Variants in LMX1A observed in about 807,000 individuals in gnomAD.
The protein encoded by LMX1A is LIM homeobox transcription factor 1-alpha.
LMX1A carries 15 observed loss-of-function variants against 49.1 expected under a neutral mutation model. The ratio of observed to expected loss-of-function variants is 0.31; its 90% CI spans 0.20 to 0.47. LMX1A has a LOEUF of 0.47. Ranked by LOEUF, LMX1A falls within the 20% of genes least tolerant of loss-of-function variation. LMX1A has a pLI of 1.00. For missense variants in LMX1A, 372 were observed against 475.8 expected (o/e 0.78, Z 2.03); for synonymous variants, 167 against 185.7 (o/e 0.90, Z 0.82).
intron 3 of LMX1A, among the ~76,000 whole-genome samples, chr1:165,272,270 G>T (rs1453029050): frequency 1.3e-5 from 2 of 152,098 alleles, no homozygotes; most frequent in South Asian, 4.2e-4. Flanking sequence ...CATACTTTAC[G>T]AACACAAAAA....
Position 165,347,236 on chromosome 1 carries a change from C to T in LMX1A, c.263+5840G>A, listed in dbSNP as rs562915538. On this transcript the variant is annotated intron_variant, in intron 3 of 8. Coordinates refer to ENST00000342310, the MANE Select transcript of LMX1A (RefSeq NM_177398.4). ...TTCTCTCTCCTCTCTGATATTTGCTCCAGAACCTTTTCTACACTTTGCTCT... is the reference window on the plus strand; with the variant it reads ...TTCTCTCTCCTCTCTGATATTTGCTTCAGAACCTTTTCTACACTTTGCTCT... 5.3e-4 allele frequency among the ~76,000 whole-genome samples: 80 copies of T among 152,316 alleles called. 1 individual carries two copies. The South Asian group carries it at 0.016, about 31-fold the overall frequency.
At chr1:165,208,210 G>T in intron 6 of LMX1A, 78 bp from the exon 7 acceptor site, 1 of 1,326,580 alleles carries the variant, frequency 7.5e-7, no homozygotes, top group Non-Finnish European at 1.1e-6. Flanking sequence ...GCCTGGAAGT[G>T]ACACCTTCCC....
Position 165,353,011 on chromosome 1 carries a change from G to A in LMX1A, c.263+65C>T. ...CCAGAAAAGGACTAGGGTAAAGGAG[G>A]ACAAAGTCCTCGACGCACACTGATG... is the stretch of plus-strand genomic sequence containing the variant. On this transcript the variant is annotated intron_variant, in intron 3 of 8. Coordinates refer to ENST00000342310, the MANE Select transcript of LMX1A (RefSeq NM_177398.4). The A allele has an allele frequency of 1.3e-6, 2 of 1,535,456 alleles. 1 individual carries two copies. Among genetic ancestry groups the A allele is most frequent in the South Asian group, 2.3e-5 (2 of 86,104 alleles).
Position 165,208,147 on chromosome 1 carries a change from A to T in LMX1A, c.748-15T>A. On this transcript the variant is annotated splice_polypyrimidine_tract_variant and intron_variant, in intron 6 of 8. Coordinates refer to ENST00000342310, the MANE Select transcript of LMX1A (RefSeq NM_177398.4). ...AGCTTCTTCATCTGATAAGGAGAGG[A>T]CCATAGGATTAGAAGTCAGGTGGCC... 1 of 1,613,240 alleles carries T rather than the reference A, an allele frequency of 6.2e-7. No homozygotes were observed. Among genetic ancestry groups the T allele is most frequent in the Non-Finnish European group, 8.5e-7 (1 of 1,179,512 alleles).
At chr1:165,220,540 G>T (rs1651804100) in intron 4 of LMX1A, among the ~76,000 whole-genome samples, 1 of 152,190 alleles carries the variant, frequency 6.6e-6, no homozygotes, top group African/African-American at 2.4e-5. Flanking sequence ...GCCTCAAAGA[G>T]GTGCAGAAAC....
chr1:165,307,505 A>C (rs1159659210), intron 3 of LMX1A, among the ~76,000 whole-genome samples: 1 of 152,250 alleles, frequency 6.6e-6, no homozygotes, highest in Non-Finnish European at 1.5e-5. Flanking sequence ...CCTATGCCAC[A>C]GGCAGAATGA....
chr1:165,208,360 G>T (rs142166300), intron 6 of LMX1A, among the ~76,000 whole-genome samples: 2,201 of 152,312 alleles, frequency 0.014, 23 homozygotes, highest in Middle Eastern at 0.048. Flanking sequence ...GGAAGCAGGG[G>T]TGCAGCTTGT....
At chr1:165,222,846 A>C (rs537973049) in intron 4 of LMX1A, among the ~76,000 whole-genome samples, 1 of 152,324 alleles carries the variant, frequency 6.6e-6, no homozygotes, top group South Asian at 2.1e-4. Context: ...TCCATAAACC[A>C]CTAACAGGCT....
intron 3 of LMX1A, among the ~76,000 whole-genome samples, chr1:165,296,652 G>C (rs1032721236): frequency 6.6e-6 from 1 of 152,210 alleles, no homozygotes; most frequent in Non-Finnish European, 1.5e-5. Context: ...CCCCACCCAA[G>C]GTTCCTATAT....
At chr1:165,348,125 A>G (rs778805147) in intron 3 of LMX1A, among the ~76,000 whole-genome samples, 27 of 152,244 alleles carry the variant, frequency 1.8e-4, no homozygotes, top group Admixed American at 2.6e-4. Context: ...GAATATCAAA[A>G]GCTATTTCCT....
intron 3 of LMX1A, among the ~76,000 whole-genome samples, chr1:165,264,075 A>G (rs1035502146): frequency 6.6e-6 from 1 of 152,176 alleles, no homozygotes. Flanking sequence ...ATCCAGGATG[A>G]GTCTAACCCA....
intron 3 of LMX1A, among the ~76,000 whole-genome samples, chr1:165,316,310 G>A (rs1571219027): frequency 6.6e-6 from 1 of 152,336 alleles, no homozygotes; most frequent in East Asian, 1.9e-4. Context: ...TTACCACGGG[G>A]AGATGGGGAG....
At chr1:165,283,155 AC>A (rs1654202146) in intron 3 of LMX1A, among the ~76,000 whole-genome samples, 1 of 152,202 alleles carries the variant, frequency 6.6e-6, no homozygotes, top group African/African-American at 2.4e-5. Flanking sequence ...TTTTTACTGT[AC>A]CTTTTCTATG....
chr1:165,204,123 A>G, intron 8 of LMX1A, 83 bp from the exon 9 acceptor site: 4 of 1,455,500 alleles, frequency 2.7e-6, no homozygotes, highest in Non-Finnish European at 3.8e-6. Context: ...GAATTCAACA[A>G]GTGTTGCCTG....
At chr1:165,289,271 C>T (rs1382245254) in intron 3 of LMX1A, among the ~76,000 whole-genome samples, 2 of 151,064 alleles carry the variant, frequency 1.3e-5, no homozygotes, top group African/African-American at 4.9e-5. Context: ...AGAGAGAGAG[C>T]CAGTTGCCTG....
At chr1:165,356,318 C>G (rs2101779570) in intron 1 of LMX1A, 37 bp downstream of exon 1, 1 of 152,446 alleles carries the variant, frequency 6.6e-6, no homozygotes, top group East Asian at 1.9e-4. Flanking sequence ...AACACGCCCG[C>G]CCGAGCCACA....
intron 8 of LMX1A, among the ~76,000 whole-genome samples, chr1:165,205,306 G>C (rs1231287884): frequency 6.6e-6 from 1 of 152,230 alleles, no homozygotes; most frequent in Non-Finnish European, 1.5e-5. Context: ...AGCTGGGTAA[G>C]TGGGAGAGGC....
chr1:165,349,539 C>T (rs1656350836), intron 3 of LMX1A, among the ~76,000 whole-genome samples: 1 of 152,184 alleles, frequency 6.6e-6, no homozygotes, highest in Admixed American at 6.5e-5. Context: ...TCCATGTTGA[C>T]ATGTCATAAC....
chr1:165,250,931 A>G (rs1197068620), intron 3 of LMX1A, among the ~76,000 whole-genome samples: 1 of 152,200 alleles, frequency 6.6e-6, no homozygotes. Flanking sequence ...GCCTGGAGCC[A>G]CGAACAGGCA....
Sources: gnomAD v4.1 joint callset for allele counts (sites outside exome capture counted in the v4.1 genomes callset) on GRCh38, gnomAD v4.1.1 for gene constraint, MANE v1.5 for transcripts, NCBI Gene and HGNC (gene_info 2026-07-23, HGNC 2026-07-21) for gene names.